The following NR4A3 variants were observed in gnomAD, a reference collection of about 807,000 sequenced individuals.
NR4A3 encodes the protein chondrosarcoma, extraskeletal myxoid, fused to EWS.
In NR4A3, 13 loss-of-function variants were observed where a neutral mutation model predicts 55.6. The observed-to-expected ratio is 0.23, with a 90% CI of 0.15 to 0.37. The LOEUF (loss-of-function observed/expected upper bound fraction) is 0.37, where lower values mean the gene tolerates loss of function less well. Among genes scored for constraint, NR4A3 ranks in the 10% least tolerant of loss-of-function variants. NR4A3 has a pLI of 1.00. For synonymous variants in NR4A3, 342 were observed against 357.9 expected, an observed-to-expected ratio of 0.96 and a Z score of 0.50; for missense variants, 646 against 822.8, an observed-to-expected ratio of 0.79 and a Z score of 2.63.
At chr9:99,833,531 G>T (rs77888600) in intron 5 of NR4A3, 77 bp downstream of exon 5, 2 of 1,613,294 alleles carry the variant, frequency 1.2e-6, no homozygotes, top group Non-Finnish European at 1.7e-6. Flanking sequence ...AGAGTTGATT[G>T]AATGATTTTG....
intron 1 of NR4A3, among the ~76,000 whole-genome samples, chr9:99,823,491 T>G (rs1340255838): frequency 2.0e-5 from 3 of 152,018 alleles, no homozygotes; most frequent in Admixed American, 6.6e-5. Flanking sequence ...TCCCAGGGCC[T>G]TGTGGTGCTG....
chr9:99,844,446 T>G (rs1349161074), intron 5 of NR4A3, among the ~76,000 whole-genome samples: 1 of 152,232 alleles, frequency 6.6e-6, no homozygotes, highest in Non-Finnish European at 1.5e-5. Flanking sequence ...GTCTATTAAG[T>G]GATAACGATA....
chr9:99,837,628 G>C (rs1827582337), intron 5 of NR4A3, among the ~76,000 whole-genome samples: 1 of 151,970 alleles, frequency 6.6e-6, no homozygotes, highest in African/African-American at 2.4e-5. Flanking sequence ...AATGAAAAAT[G>C]AAAGTCTCTA....
rs1242999344 is a variant in NR4A3 at position 99,822,143 on chromosome 9, C to G, written c.-441C>G. On this transcript the variant is annotated 5_prime_UTR_variant, in exon 1 of 8. Coordinates refer to ENST00000395097, the MANE Select transcript of NR4A3 (RefSeq NM_006981.4). The surrounding 1 kb of genome is among the most constrained non-coding windows in gnomAD (Gnocchi z 4.9). Reference sequence around the variant, plus strand: ...GCTCACTTTGCAACGCTGACGGTGCCGGCAGTGGCCGTGGAGGTGGGAACA... The same window carrying G: ...GCTCACTTTGCAACGCTGACGGTGCGGGCAGTGGCCGTGGAGGTGGGAACA... 1 of 152,766 alleles carries G rather than the reference C, an allele frequency of 6.5e-6. No homozygotes were observed. The highest frequency in any genetic ancestry group is 1.9e-4 in the East Asian group (1 of 5,180). 9.5% of individuals were successfully genotyped at this position (152,766 alleles called of 1,614,324 possible).
chr9:99,831,925 C>T (rs1424880047), intron 3 of NR4A3, among the ~76,000 whole-genome samples: 5 of 152,038 alleles, frequency 3.3e-5, no homozygotes, highest in African/African-American at 1.2e-4. Context: ...TGTCAATAGA[C>T]ATTTATGAAA....
chr9:99,839,401 A>G (rs1827611474), intron 5 of NR4A3, among the ~76,000 whole-genome samples: 1 of 152,208 alleles, frequency 6.6e-6, no homozygotes, highest in Admixed American at 6.5e-5. Flanking sequence ...TGAAAGTGAG[A>G]TAGAGTAAAT....
chr9:99,835,396 A>G (rs925834147), intron 5 of NR4A3, among the ~76,000 whole-genome samples: 2 of 152,300 alleles, frequency 1.3e-5, no homozygotes, highest in Non-Finnish European at 2.9e-5. Context: ...ATTGAACCTA[A>G]AATCTGGGCT....
At chr9:99,834,134 G>C (rs530139122) in intron 5 of NR4A3, 1 of 756,550 alleles carries the variant, frequency 1.3e-6, no homozygotes. Flanking sequence ...GACGATTGGT[G>C]TTGTTATAGT....
intron 7 of NR4A3, among the ~76,000 whole-genome samples, chr9:99,858,935 T>C (rs957825719): frequency 1.3e-5 from 2 of 152,226 alleles, no homozygotes; most frequent in African/African-American, 4.8e-5. Context: ...TGACACTCTC[T>C]TTATGGTAGC....
At chr9:99,854,937 C>T (rs1381274417) in intron 7 of NR4A3, among the ~76,000 whole-genome samples, 2 of 140,214 alleles carry the variant, frequency 1.4e-5, no homozygotes, top group Admixed American at 7.4e-5. Context: ...GCCATTTTCA[C>T]GATATTGATT....
At chr9:99,827,940 C>T in intron 2 of NR4A3, 101 bp from the exon 3 acceptor site, 1 of 1,391,522 alleles carries the variant, frequency 7.2e-7, no homozygotes, top group Non-Finnish European at 9.8e-7. Context: ...GACACTTCCT[C>T]TCTGTTTCCC....
chr9:99,829,057 A>C (rs1051328884), intron 3 of NR4A3, 64 bp downstream of exon 3: 5 of 1,272,548 alleles, frequency 3.9e-6, no homozygotes, highest in Non-Finnish European at 5.0e-6. Context: ...CTTCTAAGTG[A>C]GTGTAGGAGC....
intron 5 of NR4A3, among the ~76,000 whole-genome samples, chr9:99,843,857 G>A (rs868389426): frequency 3.6e-4 from 54 of 152,026 alleles, no homozygotes; most frequent in Middle Eastern, 3.4e-3. Flanking sequence ...AGGTTCAAGC[G>A]ATTCTCGTGC....
Position 99,844,744 on chromosome 9 carries a change from C to G in NR4A3, c.1350C>G (p.Ser450Arg), listed in dbSNP as rs748041246. The G allele has an allele frequency of 1.9e-6, 3 of 1,614,010 alleles. No homozygotes were observed. The South Asian group carries it at 3.3e-5, about 18-fold the overall frequency. Residue 450 changes from serine to arginine, a missense_variant, in exon 6 of 8, where the codon AGC becomes AGG. This residue lies in a region of NR4A3 where 163 missense variants were observed against 233.0 expected (regional missense o/e 0.70). Transcript: ENST00000395097. ...CAGCCTCCATTGATGTATCCAGAAG[C>G]TGGGCAGAAAAGATTCCGGGATTTA... Reference protein sequence around the residue: ...LLTASIDVSRSWAEKIPGFTD... With the variant: ...LLTASIDVSRRWAEKIPGFTD...
chr9:99,836,073 A>G (rs1462524838), intron 5 of NR4A3, among the ~76,000 whole-genome samples: 2 of 152,234 alleles, frequency 1.3e-5, no homozygotes, highest in Non-Finnish European at 2.9e-5. Flanking sequence ...CTTTTTAAAA[A>G]TACAGTGAGT....
chr9:99,826,883 C>A (rs372361792), intron 2 of NR4A3: 10 of 1,309,288 alleles, frequency 7.6e-6, no homozygotes, highest in Non-Finnish European at 1.1e-5. Context: ...TCCAAAGAGG[C>A]GTTAAGCACC....
intron 7 of NR4A3, among the ~76,000 whole-genome samples, chr9:99,849,938 A>C (rs923978337): frequency 6.6e-6 from 1 of 152,242 alleles, no homozygotes; most frequent in Non-Finnish European, 1.5e-5. Context: ...TGGTCTTCTC[A>C]GAAGAGATCA....
intron 5 of NR4A3, among the ~76,000 whole-genome samples, chr9:99,838,943 T>C (rs1336279806): frequency 6.6e-6 from 1 of 152,208 alleles, no homozygotes; most frequent in Non-Finnish European, 1.5e-5. Flanking sequence ...AATAGAGATA[T>C]AAATTTTCCT....
At chr9:99,840,612 T>C (rs1307764323) in intron 5 of NR4A3, among the ~76,000 whole-genome samples, 2 of 152,232 alleles carry the variant, frequency 1.3e-5, no homozygotes, top group Non-Finnish European at 2.9e-5. Context: ...GAAGTAATCT[T>C]AGGGATCAGG....
Sources: allele counts gnomAD v4.1 joint callset (sites outside exome capture counted in the v4.1 genomes callset), GRCh38; gene constraint gnomAD v4.1.1; regional missense constraint gnomAD v4.1.1; non-coding constraint Gnocchi (gnomAD v3.1); transcripts MANE v1.5; gene names NCBI Gene and HGNC (gene_info 2026-07-23, HGNC 2026-07-21).